Variants in KRR1 observed in about 807,000 individuals in gnomAD.
KRR1 encodes the protein KRR1 small subunit processome component homolog.
A neutral mutation model predicts 50.0 loss-of-function variants in KRR1; 23 were observed. The observed-to-expected ratio is 0.46, with a 90% CI of 0.33 to 0.65. The LOEUF is 0.65. Ranked by LOEUF, KRR1 falls within the 30% of genes least tolerant of loss-of-function variation. The pLI, the probability that KRR1 is intolerant of heterozygous loss-of-function variation, is 0.02. For synonymous variants in KRR1, 133 were observed against 146.3 expected (o/e 0.91, Z 0.66); for missense variants, 419 against 442.4 (o/e 0.95, Z 0.47).
At position 75,493,041 on chromosome 12, in the gene KRR1, A is replaced by G. The variant is rs1178900720; in HGVS notation, c.*6768T>C. 2 of 152,204 alleles carry G rather than the reference A, an allele frequency of 1.3e-5. No individual in the cohort carries two copies. The highest frequency in any genetic ancestry group is 3.2e-3 in the Middle Eastern group (1 of 316). The allele number at this position is 152,204 out of a possible 1,614,324, so 9.4% of individuals were successfully genotyped here. A position where few individuals can be genotyped will look rare whatever the true frequency, so the allele number is the denominator to read the frequency against. On this transcript the variant is annotated 3_prime_UTR_variant, in exon 10 of 10. Coordinates refer to ENST00000229214, the MANE Select transcript of KRR1 (RefSeq NM_007043.7). ...AAGAACAGCAAAACTTCCGTGAAGAAAAGTTTGGCAAGTTTAAACCACAGA... is the reference window on the plus strand; with the variant it reads ...AAGAACAGCAAAACTTCCGTGAAGAGAAGTTTGGCAAGTTTAAACCACAGA...
intron 1 of KRR1, among the ~76,000 whole-genome samples, chr12:75,511,075 G>C (rs1461179617): frequency 6.6e-6 from 1 of 152,086 alleles, no homozygotes; most frequent in African/African-American, 2.4e-5. Context: ...TGACAAACTA[G>C]AGCTAAGGAC....
At chr12:75,507,210 T>A (rs1426721220) in intron 2 of KRR1, among the ~76,000 whole-genome samples, 1 of 152,080 alleles carries the variant, frequency 6.6e-6, no homozygotes, top group Non-Finnish European at 1.5e-5. Context: ...ACAAATGAGG[T>A]CATACTTAAA....
In KRR1 at chr12:75,506,871, A is replaced by T; in HGVS notation, c.304T>A (p.Cys102Ser). 6.2e-7 allele frequency: 1 copy of T among 1,613,188 alleles called. No homozygotes were observed. The highest frequency in any genetic ancestry group is 2.2e-5 in the East Asian group (1 of 44,836). The change falls in exon 3 of 10, where the codon TGT becomes AGT. Residue 102 changes from cysteine to serine, a missense_variant. Coordinates refer to ENST00000229214, the MANE Select transcript of KRR1 (RefSeq NM_007043.7). ...GGATCAAAAGTCTTCTTTGTAGTAC[A>T]AACAGTCATGCTGCCTTCGATCAGG... ...LDLIEGSMTVCTTKKTFDPYI... is the reference protein window; with the variant it reads ...LDLIEGSMTVSTTKKTFDPYI...
Position 75,497,493 on chromosome 12 carries a change from T to G in KRR1, c.*2316A>C, listed in dbSNP as rs1298894260. Reference sequence around the variant, plus strand: ...GTCACTAATTTCCTATTCTCAGAGCTAGATTTATGTAATTTGTTTTCATGT... The same window carrying G: ...GTCACTAATTTCCTATTCTCAGAGCGAGATTTATGTAATTTGTTTTCATGT... On this transcript the variant is annotated 3_prime_UTR_variant, in exon 10 of 10. Coordinates refer to ENST00000229214, the MANE Select transcript of KRR1 (RefSeq NM_007043.7). 6.6e-6 allele frequency: 1 copy of G among 152,232 alleles called. No individual in the cohort carries two copies. Among genetic ancestry groups the G allele is most frequent in the Non-Finnish European group, 1.5e-5 (1 of 68,046 alleles). The allele number at this position is 152,232 out of a possible 1,614,324, so 9.4% of individuals were successfully genotyped here. A position where few individuals can be genotyped will look rare whatever the true frequency, so the allele number is the denominator to read the frequency against.
chr12:75,507,757 A>G (rs910575044), intron 2 of KRR1, among the ~76,000 whole-genome samples: 1 of 152,088 alleles, frequency 6.6e-6, no homozygotes, highest in Admixed American at 6.6e-5. Context: ...GTGATATGTC[A>G]TTTTCTAAAG....
Position 75,495,317 on chromosome 12 carries a change from A to T in KRR1, c.*4492T>A, listed in dbSNP as rs1038981669. 5 of 347,362 alleles carry T rather than the reference A, an allele frequency of 1.4e-5. No homozygotes were observed. The highest frequency in any genetic ancestry group is 2.1e-5 in the African/African-American group (1 of 48,170). The allele number at this position is 347,362 out of a possible 1,614,324, so 21.5% of individuals were successfully genotyped here. A position where few individuals can be genotyped will look rare whatever the true frequency, so the allele number is the denominator to read the frequency against. ...ACATCTTTTGTCTCATCTGTAAAAC[A>T]AGAATAACTTCCTCTCAGAGCTGTC... On this transcript the variant is annotated 3_prime_UTR_variant, in exon 10 of 10. Coordinates refer to ENST00000229214, the MANE Select transcript of KRR1 (RefSeq NM_007043.7).
At chr12:75,506,959 T>A in intron 2 of KRR1, 43 bp from the exon 3 acceptor site, 1 of 1,528,864 alleles carries the variant, frequency 6.5e-7, no homozygotes, top group Non-Finnish European at 8.8e-7. Flanking sequence ...TAAAAATGAG[T>A]TTTTTTAGAT....
rs17115182 is a variant in KRR1 at position 75,508,405 on chromosome 12, G to A, written c.127C>T (p.Pro43Ser). 1,179 of 1,612,472 alleles carry A rather than the reference G, an allele frequency of 7.3e-4. 10 individuals carry two copies. The African/African-American group carries it at 0.014, about 20-fold the overall frequency. ...GGATTGTCCTCTTTGGAAAAAGCTGGTTCCTTCCAACCATCAGGAACCGTA... is the reference window on the plus strand; with the variant it reads ...GGATTGTCCTCTTTGGAAAAAGCTGATTCCTTCCAACCATCAGGAACCGTA... ...LLTVPDGWKE[P>S]AFSKEDNPRG... The change falls in exon 2 of 10, where the codon CCA becomes TCA. Residue 43 changes from proline to serine, a missense_variant. Physicochemically the swap from Pro to Ser is moderately conservative, Grantham distance 74. Transcript: ENST00000229214.
In KRR1 at chr12:75,493,526, GGAGA is replaced by G. The variant is rs1238524965; in HGVS notation, c.*6279_*6282del. On this transcript the variant is annotated 3_prime_UTR_variant, in exon 10 of 10. Transcript: ENST00000229214. ...TCTTTACTCAGAGTGGATTAGTGGA[GGAGA>G]GGATTATAGCACAGAAGAGGAAATA... 6.6e-6 allele frequency: 1 copy of G among 152,140 alleles called. No individual in the cohort carries two copies. Among genetic ancestry groups the G allele is most frequent in the African/African-American group, 2.4e-5 (1 of 41,422 alleles). 9.4% of individuals were successfully genotyped at this position (152,140 alleles called of 1,614,324 possible).
intron 1 of KRR1, 145 bp from the exon 2 acceptor site, chr12:75,508,591 C>G (rs2046433200): frequency 1.9e-6 from 1 of 517,362 alleles, no homozygotes; most frequent in South Asian, 3.4e-5. Flanking sequence ...TCCTTTTCCC[C>G]TGCTTTTTAT....
chr12:75,510,969 A>C (rs2046445406), intron 1 of KRR1, among the ~76,000 whole-genome samples: 1 of 152,224 alleles, frequency 6.6e-6, no homozygotes. Flanking sequence ...GGAGTTAACA[A>C]TTAAAAGGTA....
In KRR1 at chr12:75,499,028, CTT is replaced by C; in HGVS notation, c.*779_*780del. On this transcript the variant is annotated 3_prime_UTR_variant, in exon 10 of 10. Transcript: ENST00000229214. ...AAAAACCAACCTCATTCACATATGG[CTT>C]TTTTTTTAACCAATAACAATTAGGT... 1.6e-6 allele frequency: 2 copies of C among 1,269,598 alleles called. No homozygotes were observed. Among genetic ancestry groups the C allele is most frequent in the Non-Finnish European group, 2.1e-6 (2 of 932,508 alleles). 78.6% of individuals were successfully genotyped at this position (1,269,598 alleles called of 1,614,324 possible).
intron 2 of KRR1, among the ~76,000 whole-genome samples, chr12:75,507,155 C>T (rs1361171468): frequency 6.6e-6 from 1 of 152,080 alleles, no homozygotes. Flanking sequence ...ATACTTTGTA[C>T]CCACTGGAAT....
chr12:75,505,819 C>G (rs147341173), intron 5 of KRR1, among the ~76,000 whole-genome samples: 13 of 152,042 alleles, frequency 8.6e-5, no homozygotes, highest in Non-Finnish European at 1.3e-4. Context: ...ATTTCCTCAC[C>G]ACATGTAATT....
Position 75,501,727 on chromosome 12 carries a change from CT to C in KRR1, c.998del (p.Lys333ArgfsTer56). ...TTACATCATAGAAAGCATTACCTTC[CT>C]TAGGTTTCACAATTGGTTTTTCCTT... is the stretch of plus-strand genomic sequence containing the variant. ...PPKEKPIVKP[K>X]EASTETKIDV... is the part of the protein sequence containing the mutation. On this transcript the variant is annotated frameshift_variant, in exon 9 of 10. Transcript: ENST00000229214. LOFTEE classifies it high-confidence loss of function. 6.3e-7 allele frequency: 1 copy of C among 1,597,440 alleles called. No individual in the cohort carries two copies.
Position 75,499,962 on chromosome 12 carries a change from T to C in KRR1, c.1004-11A>G. Reference sequence around the variant, plus strand: ...TAGTTTCAGTAGAAGCTAGACAAATTAAAAGCACAACACATGTAATACTTT... The same window carrying C: ...TAGTTTCAGTAGAAGCTAGACAAATCAAAAGCACAACACATGTAATACTTT... On this transcript the variant is annotated splice_polypyrimidine_tract_variant and intron_variant, in intron 9 of 9. Transcript: ENST00000229214. 1 of 1,588,878 alleles carries C rather than the reference T, an allele frequency of 6.3e-7. No individual in the cohort carries two copies.
intron 6 of KRR1, among the ~76,000 whole-genome samples, chr12:75,504,811 A>G (rs553071304): frequency 6.6e-6 from 1 of 152,192 alleles, no homozygotes; most frequent in Non-Finnish European, 1.5e-5. Context: ...TTAACGCAAC[A>G]TGAGATGTTC....
Position 75,493,618 on chromosome 12 carries a change from C to T in KRR1, c.*6191G>A, listed in dbSNP as rs914239943. 5.9e-5 allele frequency: 9 copies of T among 152,122 alleles called. No individual in the cohort carries two copies. Among genetic ancestry groups the T allele is most frequent in the Non-Finnish European group, 2.9e-5 (2 of 68,022 alleles). 9.4% of individuals were successfully genotyped at this position (152,122 alleles called of 1,614,324 possible). ...CTTAGGCCGTCACTGCCTTAGGGACCCTTACCCATATTTATCTTTTTCTTT... is the reference window on the plus strand; with the variant it reads ...CTTAGGCCGTCACTGCCTTAGGGACTCTTACCCATATTTATCTTTTTCTTT... On this transcript the variant is annotated 3_prime_UTR_variant, in exon 10 of 10. Transcript: ENST00000229214.
In KRR1 at chr12:75,501,724, T is replaced by C; in HGVS notation, c.1002A>G (p.Glu334=). ...CTTTTACATCATAGAAAGCATTACC[T>C]TCCTTAGGTTTCACAATTGGTTTTT... The part of the protein sequence containing the change: ...PKEKPIVKPK[E]ASTETKIDVA... Residue 334 remains glutamate (E), a splice_region_variant and synonymous_variant, in exon 9 of 10, where the codon GAA becomes GAG. Transcript: ENST00000229214. The C allele has an allele frequency of 6.3e-7, 1 of 1,592,624 alleles. No homozygotes were observed. Among genetic ancestry groups the C allele is most frequent in the Non-Finnish European group, 8.6e-7 (1 of 1,162,608 alleles).
Sources: gnomAD v4.1 joint callset for allele counts (sites outside exome capture counted in the v4.1 genomes callset) on GRCh38, gnomAD v4.1.1 for gene constraint, MANE v1.5 for transcripts, NCBI Gene and HGNC (gene_info 2026-07-23, HGNC 2026-07-21) for gene names.